Variants in NBN observed in about 807,000 individuals in gnomAD.
NBN encodes the protein Nijmegen breakage syndrome 1 (nibrin).
Under a neutral mutation model 90.8 loss-of-function variants are expected in NBN, and 88 were observed. The ratio of observed to expected loss-of-function variants is 0.97; its 90% CI spans 0.82 to 1.16. The LOEUF (loss-of-function observed/expected upper bound fraction) is 1.16, where lower values mean the gene tolerates loss of function less well. Ranked by LOEUF, NBN falls within the 50% of genes most tolerant of loss-of-function variation. The pLI is 0.00. For synonymous variants in NBN, 328 were observed against 295.1 expected, an observed-to-expected ratio of 1.11 and a Z score of -1.14; for missense variants, 894 against 869.6, an observed-to-expected ratio of 1.03 and a Z score of -0.35.
intron 9 of NBN, among the ~76,000 whole-genome samples, chr8:89,957,560 G>A (rs1467499859): frequency 6.6e-6 from 1 of 152,098 alleles, no homozygotes; most frequent in African/African-American, 2.4e-5. Context: ...AATGTCCTAG[G>A]CTTTCACATT....
At chr8:89,948,493 G>GT (rs1810300795) in intron 11 of NBN, among the ~76,000 whole-genome samples, 1 of 152,184 alleles carries the variant, frequency 6.6e-6, no homozygotes, top group Admixed American at 6.5e-5. Context: ...ATTAGTCACA[G>GT]TATCTTTCAC....
intron 4 of NBN, 26 bp downstream of exon 4, chr8:89,980,708 A>C (rs533021051): frequency 6.3e-7 from 1 of 1,583,472 alleles, no homozygotes; most frequent in Non-Finnish European, 8.7e-7. Context: ...CTTATTTTTA[A>C]CATAAGAACA....
At chr8:89,950,209 T>C (rs959770125) in intron 11 of NBN, among the ~76,000 whole-genome samples, 1 of 152,178 alleles carries the variant, frequency 6.6e-6, no homozygotes, top group East Asian at 1.9e-4. Flanking sequence ...GTCATCCCTG[T>C]GGTATCCCTG....
chr8:89,941,130 A>G (rs1430378422), intron 14 of NBN, among the ~76,000 whole-genome samples: 1 of 152,166 alleles, frequency 6.6e-6, no homozygotes, highest in Non-Finnish European at 1.5e-5. Flanking sequence ...TAAATGTCTT[A>G]TAGAGAGCCC....
Position 89,937,048 on chromosome 8 carries a change from A to G in NBN, c.2212T>C (p.Ser738Pro). ...TACCTAAAAAGATCATCAGCAAGAG[A>G]CTCTTCTTTTGCATGTTGATTTTGT... ...EVQNQHAKEE[S>P]LADDLFRYNP... Residue 738 changes from serine (S) to proline (P), a missense_variant, in exon 15 of 16, where the codon TCT (serine) becomes CCT (proline). Transcript: ENST00000265433. 6.2e-7 allele frequency: 1 copy of G among 1,612,446 alleles called. No individual in the cohort carries two copies. The highest frequency in any genetic ancestry group is 1.1e-5 in the South Asian group (1 of 91,000).
In NBN at chr8:89,946,091, TA is replaced by T. The variant is rs756231324; in HGVS notation, c.2070+48del. On this transcript the variant is annotated intron_variant, in intron 13 of 15. Coordinates refer to ENST00000265433, the MANE Select transcript of NBN (RefSeq NM_002485.5). ...CTTTGTTTAGCATCACTGGTATCTC[TA>T]AAAACATTTCAAACACTGACCTCTT... 2.9e-6 allele frequency: 4 copies of T among 1,398,920 alleles called. No homozygotes were observed. In the South Asian group the frequency reaches 3.5e-5, roughly 12 times the overall value. The allele number at this position is 1,398,920 out of a possible 1,614,324, so 86.7% of individuals were successfully genotyped here. A position where few individuals can be genotyped will look rare whatever the true frequency, so the allele number is the denominator to read the frequency against.
intron 4 of NBN, 94 bp from the exon 5 acceptor site, chr8:89,978,417 A>C: frequency 2.0e-6 from 2 of 980,380 alleles, no homozygotes; most frequent in South Asian, 1.5e-5. Context: ...GGCTGTTTAC[A>C]TCCATAAAAA....
chr8:89,953,118 C>A, intron 11 of NBN, 126 bp downstream of exon 11: 3 of 707,872 alleles, frequency 4.2e-6, no homozygotes, highest in Non-Finnish European at 7.2e-6. Flanking sequence ...TATCAACCAA[C>A]AAATTTCTAT....
rs2129832119 is a variant in NBN at position 89,970,570 on chromosome 8, G to A, written c.703-13C>T. 1.2e-6 allele frequency: 2 copies of A among 1,610,428 alleles called. No individual in the cohort carries two copies. The highest frequency in any genetic ancestry group is 1.1e-5 in the South Asian group (1 of 90,988). On this transcript the variant is annotated splice_polypyrimidine_tract_variant and intron_variant, in intron 6 of 15. Coordinates refer to ENST00000265433, the MANE Select transcript of NBN (RefSeq NM_002485.5). ...TCAATTTCTTATGCTAAAAATGGAA[G>A]GAAACATTTTTTAAAGTAAAATGTA...
At chr8:89,952,474 T>G (rs1414682049) in intron 11 of NBN, among the ~76,000 whole-genome samples, 1 of 152,210 alleles carries the variant, frequency 6.6e-6, no homozygotes, top group African/African-American at 2.4e-5. Context: ...TAGGTTCTGT[T>G]TTTTGAATAG....
At chr8:89,979,847 C>T (rs1223405878) in intron 4 of NBN, among the ~76,000 whole-genome samples, 1 of 152,202 alleles carries the variant, frequency 6.6e-6, no homozygotes, top group South Asian at 2.1e-4. Context: ...GACAATTTAA[C>T]TACCTTTGAT....
chr8:89,933,843 G>C lies in NBN; in HGVS notation c.*1739C>G, dbSNP rs1234174456. On this transcript the variant is annotated 3_prime_UTR_variant, in exon 16 of 16. Coordinates refer to ENST00000265433, the MANE Select transcript of NBN (RefSeq NM_002485.5). ...ATCTCAATACATATATCCGACAAGAGACTTGCATCTAGAATGTATAAAGAA... is the reference window on the plus strand; with the variant it reads ...ATCTCAATACATATATCCGACAAGACACTTGCATCTAGAATGTATAAAGAA... 1 of 232,218 alleles carries C rather than the reference G, an allele frequency of 4.3e-6. No individual in the cohort carries two copies. Among genetic ancestry groups the C allele is most frequent in the Non-Finnish European group, 8.5e-6 (1 of 117,626 alleles). 14.4% of individuals were successfully genotyped at this position (232,218 alleles called of 1,614,324 possible).
chr8:89,937,197 A>G lies in NBN; in HGVS notation c.2185-122T>C, dbSNP rs13312969. 0.04 allele frequency: 32,217 copies of G among 809,884 alleles called. 962 individuals carry two copies. The highest frequency in any genetic ancestry group is 0.094 in the South Asian group (6,430 of 68,262). 50.2% of individuals were successfully genotyped at this position (809,884 alleles called of 1,614,324 possible). Reference sequence around the variant, plus strand: ...CACATCCTGGAGGTCACCACATCTGAGTTCTTGCCTCTACAATATTTCATT... The same window carrying G: ...CACATCCTGGAGGTCACCACATCTGGGTTCTTGCCTCTACAATATTTCATT... On this transcript the variant is annotated intron_variant, in intron 14 of 15. Coordinates refer to ENST00000265433, the MANE Select transcript of NBN (RefSeq NM_002485.5).
At chr8:89,971,071 A>G (rs1811491524) in intron 6 of NBN, 102 bp downstream of exon 6, 1 of 1,332,514 alleles carries the variant, frequency 7.5e-7, no homozygotes, top group Non-Finnish European at 1.0e-6. Context: ...CTTTTACACA[A>G]AATCCCAAAA....
chr8:89,963,712 T>C (rs1007991897), intron 8 of NBN, among the ~76,000 whole-genome samples: 1 of 152,158 alleles, frequency 6.6e-6, no homozygotes, highest in African/African-American at 2.4e-5. Context: ...ATCCACCCAG[T>C]TACTTATGCT....
At position 89,943,144 on chromosome 8, in the gene NBN, A is replaced by G. The variant is rs892118050; in HGVS notation, c.2184+109T>C. ...ACTCAGGAATGCTCCTGAATGAATGACTTTATGTCACTTATTTTAATTTGG... is the reference window on the plus strand; with the variant it reads ...ACTCAGGAATGCTCCTGAATGAATGGCTTTATGTCACTTATTTTAATTTGG... On this transcript the variant is annotated intron_variant, in intron 14 of 15. Coordinates refer to ENST00000265433, the MANE Select transcript of NBN (RefSeq NM_002485.5). The G allele has an allele frequency of 5.3e-6, 6 of 1,126,180 alleles. No homozygotes were observed. In the African/African-American group the frequency reaches 9.3e-5, roughly 17 times the overall value. The allele number at this position is 1,126,180 out of a possible 1,614,324, so 69.8% of individuals were successfully genotyped here. A position where few individuals can be genotyped will look rare whatever the true frequency, so the allele number is the denominator to read the frequency against.
intron 7 of NBN, among the ~76,000 whole-genome samples, chr8:89,965,990 T>G (rs1811235880): frequency 6.6e-6 from 1 of 152,246 alleles, no homozygotes. Flanking sequence ...ACTGGTATTT[T>G]ATTTACTAAC....
Position 89,978,324 on chromosome 8 carries a change from C to T in NBN, c.481-1G>A. ...GTCCACAAATGAGTGCACATATTGT[C>T]TACAATGAAGAAAACATGTGAATAT... On this transcript the variant is annotated splice_acceptor_variant, in intron 4 of 15. Transcript: ENST00000265433. LOFTEE classifies it high-confidence loss of function. 1 of 1,583,246 alleles carries T rather than the reference C, an allele frequency of 6.3e-7. No homozygotes were observed. The highest frequency in any genetic ancestry group is 2.2e-5 in the East Asian group (1 of 44,592).
intron 15 of NBN, among the ~76,000 whole-genome samples, chr8:89,936,323 C>T (rs139099779): frequency 0.022 from 3,304 of 152,142 alleles, 112 homozygotes; most frequent in African/African-American, 0.074. Context: ...AATCCGCCCA[C>T]CTCAGCCTCC....
Sources: allele counts gnomAD v4.1 joint callset (sites outside exome capture counted in the v4.1 genomes callset), GRCh38; gene constraint gnomAD v4.1.1; transcripts MANE v1.5; gene names NCBI Gene and HGNC (gene_info 2026-07-23, HGNC 2026-07-21).